The following ZFYVE9 variants were observed in gnomAD, a reference collection of about 807,000 sequenced individuals.
The protein encoded by ZFYVE9 is zinc finger FYVE-type containing 9.
A neutral mutation model predicts 126.7 loss-of-function variants in ZFYVE9; 43 were observed. That is an observed-to-expected ratio of 0.34 (90% CI 0.27 to 0.44). ZFYVE9 has a LOEUF of 0.44. ZFYVE9 is among the 20% of genes least tolerant of loss of function. ZFYVE9 has a pLI of 1.00. For synonymous variants in ZFYVE9, 521 were observed against 597.4 expected, an observed-to-expected ratio of 0.87 and a Z score of 1.87; for missense variants, 1,476 against 1,697.0, an observed-to-expected ratio of 0.87 and a Z score of 2.29.
Position 52,238,291 on chromosome 1 carries a change from G to A in ZFYVE9, c.874G>A (p.Asp292Asn), listed in dbSNP as rs1264605962. ...KKQENYIPDEDLTGKISSPRT... is the reference protein window; with the variant it reads ...KKQENYIPDENLTGKISSPRT... ...GCAAGAGAACTATATACCAGATGAG[G>A]ACCTCACTGGCAAAATCAGCTCTCC... Residue 292 changes from aspartate to asparagine, a missense_variant, in exon 4 of 19, where the codon GAC becomes AAC. Physicochemically the swap from Asp to Asn is conservative, Grantham distance 23. Around this residue, in one of 2 missense-constraint regions of ZFYVE9, gnomAD observed 807 missense variants for 794.6 expected, o/e 1.02. Coordinates refer to ENST00000287727, the MANE Select transcript of ZFYVE9 (RefSeq NM_004799.4). The A allele has an allele frequency of 6.2e-7, 1 of 1,613,878 alleles. No individual in the cohort carries two copies. Among genetic ancestry groups the A allele is most frequent in the Non-Finnish European group, 8.5e-7 (1 of 1,179,962 alleles).
At chr1:52,244,745 A>T (rs919612718) in intron 4 of ZFYVE9, among the ~76,000 whole-genome samples, 2 of 152,168 alleles carry the variant, frequency 1.3e-5, no homozygotes, top group Admixed American at 6.5e-5. Context: ...TGAAATTGTT[A>T]TATTATCTTT....
At chr1:52,200,605 G>A (rs1011613559) in intron 1 of ZFYVE9, among the ~76,000 whole-genome samples, 11 of 152,084 alleles carry the variant, frequency 7.2e-5, no homozygotes, top group Non-Finnish European at 1.5e-4. Flanking sequence ...ATTTTCTACT[G>A]TTATCTTCTA....
At chr1:52,206,165 G>A (rs1644976119) in intron 1 of ZFYVE9, among the ~76,000 whole-genome samples, 1 of 152,198 alleles carries the variant, frequency 6.6e-6, no homozygotes, top group African/African-American at 2.4e-5. Context: ...AGCTATTGTA[G>A]CTGTATCTTT....
intron 1 of ZFYVE9, among the ~76,000 whole-genome samples, chr1:52,172,338 C>G (rs1223448010): frequency 7.2e-5 from 11 of 152,150 alleles, no homozygotes; most frequent in African/African-American, 2.7e-4. Flanking sequence ...TCTGAGGGCT[C>G]TGTTCTGTTC....
intron 3 of ZFYVE9, among the ~76,000 whole-genome samples, chr1:52,234,221 A>G (rs906452870): frequency 1.3e-5 from 2 of 152,192 alleles, no homozygotes; most frequent in African/African-American, 4.8e-5. Context: ...TGGCATTAAC[A>G]AGTTTACAAA....
intron 1 of ZFYVE9, among the ~76,000 whole-genome samples, chr1:52,152,650 A>T (rs565705991): frequency 6.6e-6 from 1 of 152,342 alleles, no homozygotes; most frequent in South Asian, 2.1e-4. Context: ...TGATTAAATT[A>T]CAGGCTCTAG....
rs1441318544 is a variant in ZFYVE9 at position 52,238,445 on chromosome 1, C to G, written c.1028C>G (p.Pro343Arg). Residue 343 changes from proline to arginine, a missense_variant, in exon 4 of 19, where the codon CCA (proline) becomes CGA (arginine). Pro to Arg is a moderately radical substitution (Grantham distance 103). This residue lies in a region of ZFYVE9 where 807 missense variants were observed against 794.6 expected (regional missense o/e 1.02). Transcript: ENST00000287727. ...LRSGLPLLLK[P>R]DMPNGSGRNN... ...TCTGGTTTACCTTTGCTTCTCAAACCAGACATGCCTAATGGGTCTGGAAGG... is the reference window on the plus strand; with the variant it reads ...TCTGGTTTACCTTTGCTTCTCAAACGAGACATGCCTAATGGGTCTGGAAGG... 6.2e-7 allele frequency: 1 copy of G among 1,613,952 alleles called. No homozygotes were observed. Among genetic ancestry groups the G allele is most frequent in the Non-Finnish European group, 8.5e-7 (1 of 1,179,986 alleles).
intron 1 of ZFYVE9, among the ~76,000 whole-genome samples, chr1:52,164,914 C>T (rs1355459009): frequency 6.6e-6 from 1 of 152,090 alleles, no homozygotes; most frequent in Non-Finnish European, 1.5e-5. Context: ...AGAATGGTGT[C>T]TGTCAGAAGC....
chr1:52,318,482 C>T (rs1198308089), intron 13 of ZFYVE9, among the ~76,000 whole-genome samples: 2 of 151,588 alleles, frequency 1.3e-5, no homozygotes, highest in Non-Finnish European at 2.9e-5. Context: ...TATAACATCT[C>T]TAATGGTAAC....
At chr1:52,330,888 A>C (rs1262194180) in intron 13 of ZFYVE9, among the ~76,000 whole-genome samples, 1 of 151,986 alleles carries the variant, frequency 6.6e-6, no homozygotes, top group Non-Finnish European at 1.5e-5. Flanking sequence ...TTATTTTTTG[A>C]GATAGTCTCC....
chr1:52,322,377 C>CT (rs113375062), intron 13 of ZFYVE9, among the ~76,000 whole-genome samples: 3,072 of 119,428 alleles, frequency 0.026, 104 homozygotes, highest in East Asian at 0.076. Flanking sequence ...GTGGTCTTTT[C>CT]TTTTTTTTTT....
At chr1:52,283,309 A>G (rs1013155497) in intron 10 of ZFYVE9, among the ~76,000 whole-genome samples, 2 of 152,208 alleles carry the variant, frequency 1.3e-5, no homozygotes, top group Non-Finnish European at 2.9e-5. Context: ...GAGGTTCATG[A>G]ATGTCTTATT....
Position 52,156,838 on chromosome 1 carries a change from C to CTTT in ZFYVE9, c.-143+14447_-143+14449dup, listed in dbSNP as rs35403349. ...TTCCTTTCCCCACTTTAGTGACATT[C>CTTT]TTTTTTTTTTTTTTGAGACGGAGTC... On this transcript the variant is annotated intron_variant, in intron 1 of 18. Coordinates refer to ENST00000287727, the MANE Select transcript of ZFYVE9 (RefSeq NM_004799.4). Among the ~76,000 whole-genome samples the CTTT allele has an allele frequency of 3.0e-3, 428 of 144,492 alleles. 24 individuals are homozygous for CTTT. The East Asian group carries it at 0.074, about 25-fold the overall frequency. 94.8% of individuals were successfully genotyped at this position (144,492 alleles called of 152,430 possible).
At chr1:52,259,541 A>G (rs1045189394) in intron 4 of ZFYVE9, among the ~76,000 whole-genome samples, 1 of 151,642 alleles carries the variant, frequency 6.6e-6, no homozygotes, top group Non-Finnish European at 1.5e-5. Flanking sequence ...TAATCCCAGC[A>G]CTTTGGGAGG....
At chr1:52,241,943 A>G (rs567363687) in intron 4 of ZFYVE9, among the ~76,000 whole-genome samples, 4 of 152,144 alleles carry the variant, frequency 2.6e-5, no homozygotes, top group African/African-American at 4.8e-5. Context: ...TGCAACAAGC[A>G]TATATTGTGT....
intron 15 of ZFYVE9, among the ~76,000 whole-genome samples, chr1:52,335,855 C>T (rs560774233): frequency 2.6e-5 from 4 of 152,212 alleles, no homozygotes; most frequent in East Asian, 3.9e-4. Context: ...TTTCTTAGGC[C>T]GGGTGCGGTG....
At chr1:52,290,960 CCCACA>C (rs1645913757) in intron 10 of ZFYVE9, among the ~76,000 whole-genome samples, 1 of 152,144 alleles carries the variant, frequency 6.6e-6, no homozygotes, top group South Asian at 2.1e-4. Context: ...TGCCCCAGAT[CCCACA>C]ACAGTGAATG....
chr1:52,171,801 T>G (rs1644573145), intron 1 of ZFYVE9, among the ~76,000 whole-genome samples: 2 of 152,246 alleles, frequency 1.3e-5, no homozygotes, highest in Non-Finnish European at 2.9e-5. Context: ...ATGTCTTCTT[T>G]TGAGAAGTGT....
intron 12 of ZFYVE9, among the ~76,000 whole-genome samples, chr1:52,303,461 A>G (rs1383562800): frequency 6.6e-6 from 1 of 152,222 alleles, no homozygotes; most frequent in Non-Finnish European, 1.5e-5. Flanking sequence ...CGTTAAGGAT[A>G]TAGCAAGAAC....
Sources: allele counts gnomAD v4.1 joint callset (sites outside exome capture counted in the v4.1 genomes callset), GRCh38; gene constraint gnomAD v4.1.1; regional missense constraint gnomAD v4.1.1; transcripts MANE v1.5; gene names NCBI Gene and HGNC (gene_info 2026-07-23, HGNC 2026-07-21).